OPCML: variants seen among roughly 807,000 people sequenced by gnomAD.
The protein encoded by OPCML is opioid binding protein/cell adhesion molecule like.
Under a neutral mutation model 37.8 loss-of-function variants are expected in OPCML, and 13 were observed. The observed-to-expected ratio is 0.34, with a 90% CI of 0.22 to 0.55. The LOEUF (loss-of-function observed/expected upper bound fraction) is 0.55, where lower values mean the gene tolerates loss of function less well. Ranked by LOEUF, OPCML falls within the 20% of genes least tolerant of loss-of-function variation. The pLI is 0.91. For missense variants in OPCML, 341 were observed against 435.6 expected (o/e 0.78, Z 1.93); for synonymous variants, 176 against 168.8 (o/e 1.04, Z -0.33).
chr11:133,126,652 GC>G (rs1341092259), intron 1 of OPCML, among the ~76,000 whole-genome samples: 2 of 152,088 alleles, frequency 1.3e-5, no homozygotes, highest in Non-Finnish European at 2.9e-5. Context: ...GACTCCTTCT[GC>G]CCAATCCCAT....
At chr11:133,190,423 C>G (rs1185903773) in intron 1 of OPCML, among the ~76,000 whole-genome samples, 3 of 152,208 alleles carry the variant, frequency 2.0e-5, no homozygotes, top group Non-Finnish European at 4.4e-5. Context: ...CCCTCCCTCC[C>G]TCTCTCTTTC....
At chr11:132,520,171 C>A (rs1189533179) in intron 4 of OPCML, among the ~76,000 whole-genome samples, 1 of 152,176 alleles carries the variant, frequency 6.6e-6, no homozygotes, top group African/African-American at 2.4e-5. Context: ...CTAGTGAGCA[C>A]CCTTGGGTGC....
chr11:132,734,753 G>A (rs565307073), intron 2 of OPCML, among the ~76,000 whole-genome samples: 9 of 152,310 alleles, frequency 5.9e-5, no homozygotes, highest in African/African-American at 1.7e-4. Context: ...AGGTGTTGCC[G>A]ACTGTAAAAA....
intron 2 of OPCML, among the ~76,000 whole-genome samples, chr11:132,689,383 G>A (rs1487934868): frequency 6.6e-6 from 1 of 152,166 alleles, no homozygotes; most frequent in African/African-American, 2.4e-5. Flanking sequence ...AAGAGTAATG[G>A]TTTTGTTCTG....
At chr11:132,747,567 G>A (rs934737891) in intron 2 of OPCML, among the ~76,000 whole-genome samples, 3 of 152,144 alleles carry the variant, frequency 2.0e-5, no homozygotes, top group African/African-American at 7.2e-5. Context: ...ACCAAAAGGG[G>A]CCCACTGGGA....
Position 132,823,354 on chromosome 11 carries a change from G to A in OPCML, c.146+119572C>T, listed in dbSNP as rs147806442. On this transcript the variant is annotated intron_variant, in intron 2 of 7. Transcript: ENST00000524381. Reference sequence around the variant, plus strand: ...CACTAATGTATTTAGGAAACTATCCGCACCTGTCCTCACACCCCTTCCTCC... The same window carrying A: ...CACTAATGTATTTAGGAAACTATCCACACCTGTCCTCACACCCCTTCCTCC... 3.7e-3 allele frequency among the ~76,000 whole-genome samples: 557 copies of A among 152,124 alleles called. 6 individuals are homozygous for A. The highest frequency in any genetic ancestry group is 0.027 in the South Asian group (132 of 4,824).
intron 1 of OPCML, among the ~76,000 whole-genome samples, chr11:133,201,509 A>T (rs1046294669): frequency 6.6e-6 from 1 of 152,126 alleles, no homozygotes; most frequent in African/African-American, 2.4e-5. Context: ...GGGGAGCCAT[A>T]TCTCATCCCA....
intron 3 of OPCML, among the ~76,000 whole-genome samples, chr11:132,603,034 AT>A (rs1565701905): frequency 6.6e-6 from 1 of 152,038 alleles, no homozygotes; most frequent in African/African-American, 2.4e-5. Flanking sequence ...CGTTTTCCTC[AT>A]TTCTACAAAA....
Position 132,932,543 on chromosome 11 carries a change from A to G in OPCML, c.146+10383T>C, listed in dbSNP as rs1945242612. On this transcript the variant is annotated intron_variant, in intron 2 of 7. Transcript: ENST00000524381. ...ATTTTGTGGGCTCTATGTTCTGCCA[A>G]CATAGTCACATATTCAACATACATG... Among the ~76,000 whole-genome samples the G allele has an allele frequency of 4.6e-5, 7 of 152,000 alleles. No individual in the cohort carries two copies. The South Asian group carries it at 1.5e-3, about 32-fold the overall frequency.
chr11:133,344,329 G>T (rs1943946994), intron 1 of OPCML, among the ~76,000 whole-genome samples: 1 of 152,156 alleles, frequency 6.6e-6, no homozygotes, highest in African/African-American at 2.4e-5. Context: ...TGCGAAAAGG[G>T]TGCATTACCT....
chr11:132,835,779 T>G (rs1205739375), intron 2 of OPCML, among the ~76,000 whole-genome samples: 1 of 152,244 alleles, frequency 6.6e-6, no homozygotes, highest in Non-Finnish European at 1.5e-5. Context: ...GGTGCCCTTA[T>G]GCCTCTTTCT....
chr11:133,026,746 G>A (rs901453309), intron 1 of OPCML, among the ~76,000 whole-genome samples: 24 of 151,984 alleles, frequency 1.6e-4, no homozygotes, highest in African/African-American at 5.8e-4. Flanking sequence ...TGTCTTTCCC[G>A]CTAGTGTCTA....
At chr11:132,688,123 C>A (rs947395788) in intron 2 of OPCML, among the ~76,000 whole-genome samples, 2 of 151,780 alleles carry the variant, frequency 1.3e-5, no homozygotes, top group Non-Finnish European at 2.9e-5. Context: ...GATAACAAAA[C>A]ATGTACATTA....
intron 1 of OPCML, among the ~76,000 whole-genome samples, chr11:132,954,934 G>A (rs935033179): frequency 6.6e-6 from 1 of 152,198 alleles, no homozygotes; most frequent in African/African-American, 2.4e-5. Context: ...AGAGTGGCTA[G>A]CGGCATCCAC....
chr11:133,462,454 A>G (rs1946879829), intron 1 of OPCML, among the ~76,000 whole-genome samples: 1 of 152,262 alleles, frequency 6.6e-6, no homozygotes, highest in Admixed American at 6.5e-5. Context: ...AATGGATAAT[A>G]TTCAGAATAT....
chr11:133,339,955 T>C (rs1943825939), intron 1 of OPCML, among the ~76,000 whole-genome samples: 1 of 152,204 alleles, frequency 6.6e-6, no homozygotes, highest in Non-Finnish European at 1.5e-5. Flanking sequence ...AATGAACAAG[T>C]TGGCCATAGT....
chr11:132,999,651 C>T (rs368804779), intron 1 of OPCML, among the ~76,000 whole-genome samples: 44 of 152,032 alleles, frequency 2.9e-4, no homozygotes, highest in African/African-American at 9.9e-4. Flanking sequence ...CGTGCTGCCA[C>T]GAGCGTGCCT....
intron 2 of OPCML, among the ~76,000 whole-genome samples, chr11:132,744,025 A>T (rs896868370): frequency 1.3e-5 from 2 of 152,116 alleles, no homozygotes; most frequent in African/African-American, 4.8e-5. Context: ...ATGCTAAGTG[A>T]TCCTTGGCAT....
At chr11:132,651,348 A>G (rs907286134) in intron 3 of OPCML, among the ~76,000 whole-genome samples, 6 of 152,094 alleles carry the variant, frequency 3.9e-5, no homozygotes, top group Non-Finnish European at 7.3e-5. Context: ...GTGCCTTTCT[A>G]TTCTGTCATG....
Sources: allele counts gnomAD v4.1 joint callset (sites outside exome capture counted in the v4.1 genomes callset), GRCh38; gene constraint gnomAD v4.1.1; transcripts MANE v1.5; gene names NCBI Gene and HGNC (gene_info 2026-07-23, HGNC 2026-07-21).